Variants in RABEPK observed in about 807,000 individuals in gnomAD.
RABEPK encodes 40 kDa Rab9 effector protein.
RABEPK carries 27 observed loss-of-function variants against 34.1 expected under a neutral mutation model. The observed-to-expected ratio is 0.79, with a 90% CI of 0.58 to 1.09. RABEPK has a LOEUF of 1.09. Ranked by LOEUF, RABEPK falls within the 50% of genes least tolerant of loss-of-function variation. The probability of loss-of-function intolerance (pLI) is 0.00; values close to 1 mark genes in which losing one functional copy is unlikely to be tolerated. For missense variants in RABEPK, 449 were observed against 462.6 expected, an observed-to-expected ratio of 0.97 and a Z score of 0.27; for synonymous variants, 172 against 169.2, an observed-to-expected ratio of 1.02 and a Z score of -0.13.
Position 125,220,398 on chromosome 9 carries a change from G to C in RABEPK, c.365-141G>C, listed in dbSNP as rs146788767. 433 of 1,469,250 alleles carry C rather than the reference G, an allele frequency of 2.9e-4. 2 individuals are homozygous for C. In the African/African-American group the frequency reaches 4.2e-3, roughly 14 times the overall value. The allele number at this position is 1,469,250 out of a possible 1,614,324, so 91.0% of individuals were successfully genotyped here. A position where few individuals can be genotyped will look rare whatever the true frequency, so the allele number is the denominator to read the frequency against. On this transcript the variant is annotated intron_variant, in intron 4 of 7. Coordinates refer to ENST00000373538, the MANE Select transcript of RABEPK (RefSeq NM_005833.4). Reference sequence around the variant, plus strand: ...TCATCTTCATTCTTCCTTGATGTTTGTGAGTATGAGATCCCTGCCCAAAAC... The same window carrying C: ...TCATCTTCATTCTTCCTTGATGTTTCTGAGTATGAGATCCCTGCCCAAAAC...
chr9:125,225,091 A>AAAT (rs1049623114), intron 5 of RABEPK, among the ~76,000 whole-genome samples: 2 of 151,976 alleles, frequency 1.3e-5, no homozygotes, highest in Non-Finnish European at 2.9e-5. Context: ...CCATCTCTAA[A>AAAT]AATAATAATA....
intron 2 of RABEPK, among the ~76,000 whole-genome samples, chr9:125,205,970 G>C (rs138234421): frequency 1.6e-4 from 25 of 152,262 alleles, no homozygotes; most frequent in African/African-American, 5.8e-4. Flanking sequence ...AGAGTCAGGA[G>C]GTGGCTGGTA....
rs1402586074 is a variant in RABEPK at position 125,232,653 on chromosome 9, C to A, written c.734C>A (p.Ala245Asp). Residue 245 changes from alanine (A) to aspartate (D), a missense_variant, in exon 7 of 8, where the codon GCC (alanine) becomes GAC (aspartate). Coordinates refer to ENST00000373538, the MANE Select transcript of RABEPK (RefSeq NM_005833.4). ...PTGAAPAGCAAHSAVAMGKHV... is the reference protein window; with the variant it reads ...PTGAAPAGCADHSAVAMGKHV... The stretch of plus-strand genomic sequence containing the variant: ...GGGGCTGCTCCAGCAGGCTGTGCTG[C>A]CCACTCAGCTGTGGCCATGGGAAAA... 2 of 1,614,104 alleles carry A rather than the reference C, an allele frequency of 1.2e-6. No homozygotes were observed. Among genetic ancestry groups the A allele is most frequent in the Admixed American group, 3.3e-5 (2 of 60,028 alleles).
chr9:125,213,417 T>A lies in RABEPK; in HGVS notation c.259T>A (p.Tyr87Asn), dbSNP rs781388888. 1.3e-4 allele frequency: 206 copies of A among 1,613,908 alleles called. No individual in the cohort carries two copies. Among genetic ancestry groups the A allele is most frequent in the Non-Finnish European group, 1.7e-4 (202 of 1,179,948 alleles). ...TACCTGCAAGGGCCTCTTGCCCCGG[T>A]ATGAACATGCTAGCTTCATTCCCTC... ...LDTCKGLLPR[Y>N]EHASFIPSCT... Residue 87 changes from tyrosine to asparagine, a missense_variant, in exon 4 of 8, where the codon TAT becomes AAT. Transcript: ENST00000373538.
intron 1 of RABEPK, among the ~76,000 whole-genome samples, chr9:125,201,229 T>G (rs1829884857): frequency 6.6e-6 from 1 of 152,218 alleles, no homozygotes. Context: ...ACTTTTGAAC[T>G]GGGCTTTGAA....
At chr9:125,201,072 A>G (rs1467825281) in intron 1 of RABEPK, among the ~76,000 whole-genome samples, 166 bp downstream of exon 1, 3 of 152,244 alleles carry the variant, frequency 2.0e-5, no homozygotes, top group Non-Finnish European at 2.9e-5. Context: ...AATCTAGTCT[A>G]GAAGCCTTAA....
chr9:125,209,933 T>C (rs1222997803), intron 3 of RABEPK, among the ~76,000 whole-genome samples: 1 of 152,182 alleles, frequency 6.6e-6, no homozygotes, highest in African/African-American at 2.4e-5. Flanking sequence ...CCTGTCTGCC[T>C]TCACAGCCCT....
At chr9:125,232,466 T>A in intron 6 of RABEPK, 130 bp from the exon 7 acceptor site, 1 of 1,006,584 alleles carries the variant, frequency 9.9e-7, no homozygotes, top group South Asian at 2.0e-5. Flanking sequence ...ATAATTCTTA[T>A]GTGCACTAAA....
In RABEPK at chr9:125,218,321, C is replaced by CAAAAAAAAAAAAA. The variant is rs71374234; in HGVS notation, c.365-2203_365-2191dup. ...TGGGAGCCACAGCGAGACTCCGTCT[C>CAAAAAAAAAAAAA]AAAAAAAAAAAAAAAAAAAAAAAAA... is the stretch of plus-strand genomic sequence containing the variant. On this transcript the variant is annotated intron_variant, in intron 4 of 7. Transcript: ENST00000373538. Among the ~76,000 whole-genome samples the CAAAAAAAAAAAAA allele has an allele frequency of 7.3e-5, 3 of 41,150 alleles. 1 individual carries two copies. The highest frequency in any genetic ancestry group is 1.3e-4 in the Non-Finnish European group (3 of 23,944). 27.0% of individuals were successfully genotyped at this position (41,150 alleles called of 152,430 possible). A position where few individuals can be genotyped will look rare whatever the true frequency, so the allele number is the denominator to read the frequency against.
In RABEPK at chr9:125,200,746, C is replaced by T. The variant is rs1454028004; in HGVS notation, c.-167C>T. 2 of 471,116 alleles carry T rather than the reference C, an allele frequency of 4.2e-6. No individual in the cohort carries two copies. The allele number at this position is 471,116 out of a possible 1,614,324, so 29.2% of individuals were successfully genotyped here. Reference sequence around the variant, plus strand: ...TCCCGGCCACTTTGACCGAATCAGCCTGTTCTTTCCCGACCCCGTCTCCTA... The same window carrying T: ...TCCCGGCCACTTTGACCGAATCAGCTTGTTCTTTCCCGACCCCGTCTCCTA... On this transcript the variant is annotated 5_prime_UTR_variant, in exon 1 of 8. Coordinates refer to ENST00000373538, the MANE Select transcript of RABEPK (RefSeq NM_005833.4).
At chr9:125,209,012 A>C (rs1023393884) in intron 3 of RABEPK, among the ~76,000 whole-genome samples, 2 of 151,408 alleles carry the variant, frequency 1.3e-5, no homozygotes, top group Non-Finnish European at 2.9e-5. Context: ...TCTAAAATAC[A>C]AATCTAACCA....
chr9:125,214,695 T>C (rs1037692418), intron 4 of RABEPK, among the ~76,000 whole-genome samples: 3 of 152,184 alleles, frequency 2.0e-5, no homozygotes, highest in Non-Finnish European at 4.4e-5. Context: ...TTTACAAATA[T>C]TATTTATGTT....
Position 125,227,961 on chromosome 9 carries a change from G to A in RABEPK, c.578G>A (p.Arg193Gln), listed in dbSNP as rs145592986. 6.6e-5 allele frequency: 106 copies of A among 1,608,612 alleles called. No homozygotes were observed. The highest frequency in any genetic ancestry group is 3.3e-4 in the Middle Eastern group (2 of 6,066). ...PETLGNPPSPRHGHVMVAAGT... is the reference protein window; with the variant it reads ...PETLGNPPSPQHGHVMVAAGT... ...ACACTTGGAAATCCTCCATCTCCCCGGCATGGTCATGTGATGGTGGCAGCA... is the reference window on the plus strand; with the variant it reads ...ACACTTGGAAATCCTCCATCTCCCCAGCATGGTCATGTGATGGTGGCAGCA... Residue 193 changes from arginine (R) to glutamine (Q), a missense_variant, in exon 6 of 8, where the codon CGG (arginine) becomes CAG (glutamine). Coordinates refer to ENST00000373538, the MANE Select transcript of RABEPK (RefSeq NM_005833.4).
chr9:125,226,593 C>T (rs544525063), intron 5 of RABEPK, among the ~76,000 whole-genome samples: 11 of 151,308 alleles, frequency 7.3e-5, no homozygotes, highest in Non-Finnish European at 1.3e-4. Context: ...GGGCCGGGCA[C>T]GGTGGCTCAC....
rs765319261 is a variant in RABEPK, at chr9:125,228,041, C to T, written c.658C>T (p.Leu220Phe). 6.3e-7 allele frequency: 1 copy of T among 1,598,534 alleles called. No homozygotes were observed. The highest frequency in any genetic ancestry group is 8.5e-7 in the Non-Finnish European group (1 of 1,170,820). The change falls in exon 6 of 8, where the codon CTC becomes TTC. Residue 220 changes from leucine to phenylalanine, a missense_variant. Physicochemically the swap from Leu to Phe is conservative, Grantham distance 22. Transcript: ENST00000373538. The stretch of plus-strand genomic sequence containing the variant: ...GGCGGGGGACAGATTCTATGATGAC[C>T]TCCACTGCATTGATATAAGTAAGCA... The part of the protein sequence containing the change: ...GLAGDRFYDD[L>F]HCIDISDMKW...
At chr9:125,232,467 G>T in intron 6 of RABEPK, 129 bp from the exon 7 acceptor site, 1 of 1,017,466 alleles carries the variant, frequency 9.8e-7, no homozygotes, top group Non-Finnish European at 1.4e-6. Context: ...TAATTCTTAT[G>T]TGCACTAAAC....
intron 1 of RABEPK, among the ~76,000 whole-genome samples, chr9:125,201,993 G>A (rs1037473160): frequency 2.6e-4 from 39 of 151,514 alleles, no homozygotes; most frequent in Non-Finnish European, 8.8e-5. Context: ...TTGGGAGGCC[G>A]AGGCGAGCCA....
chr9:125,220,836 C>G, intron 5 of RABEPK, 136 bp downstream of exon 5: 1 of 1,155,204 alleles, frequency 8.7e-7, no homozygotes, highest in Non-Finnish European at 1.2e-6. Flanking sequence ...TATCTCTTAG[C>G]TGATATCTTT....
rs1831663565 is a variant in RABEPK at position 125,225,425 on chromosome 9, T to C, written c.527-2485T>C. Reference sequence around the variant, plus strand: ...ATGGCTGGATGCAGTGGCTCATGCCTGTAATCCCAGCACTTTGGGAGGCCC... The same window carrying C: ...ATGGCTGGATGCAGTGGCTCATGCCCGTAATCCCAGCACTTTGGGAGGCCC... On this transcript the variant is annotated intron_variant, in intron 5 of 7. Transcript: ENST00000373538. Among the ~76,000 whole-genome samples the C allele has an allele frequency of 2.0e-5, 3 of 152,024 alleles. No homozygotes were observed. The South Asian group carries it at 6.2e-4, about 32-fold the overall frequency.
Sources: gnomAD v4.1 joint callset for allele counts (sites outside exome capture counted in the v4.1 genomes callset) on GRCh38, gnomAD v4.1.1 for gene constraint, MANE v1.5 for transcripts, NCBI Gene and HGNC (gene_info 2026-07-23, HGNC 2026-07-21) for gene names.